Variants in KLHL14 observed in about 807,000 individuals in gnomAD.
The protein encoded by KLHL14 is kelch-like protein 14.
A neutral mutation model predicts 64.3 loss-of-function variants in KLHL14; 22 were observed. That is an observed-to-expected ratio of 0.34 (90% CI 0.24 to 0.49). KLHL14 has a LOEUF of 0.49. Ranked by LOEUF, KLHL14 falls within the 20% of genes least tolerant of loss-of-function variation. The probability of loss-of-function intolerance (pLI) is 0.99; values close to 1 mark genes in which losing one functional copy is unlikely to be tolerated. For missense variants in KLHL14, 661 were observed against 789.0 expected, an observed-to-expected ratio of 0.84 and a Z score of 1.94; for synonymous variants, 322 against 333.4, an observed-to-expected ratio of 0.97 and a Z score of 0.37.
At chr18:32,755,580 T>C (rs1051357457) in intron 2 of KLHL14, among the ~76,000 whole-genome samples, 2 of 152,206 alleles carry the variant, frequency 1.3e-5, no homozygotes, top group Admixed American at 6.5e-5. Context: ...TCACTATCAG[T>C]ATTTTCTCCT....
intron 4 of KLHL14, among the ~76,000 whole-genome samples, chr18:32,694,880 C>G (rs749782765): frequency 6.6e-6 from 1 of 152,052 alleles, no homozygotes; most frequent in Non-Finnish European, 1.5e-5. Context: ...TTGGGACGTG[C>G]GTTAAAATGT....
At chr18:32,759,722 TC>T (rs1162415005) in intron 2 of KLHL14, among the ~76,000 whole-genome samples, 1 of 151,968 alleles carries the variant, frequency 6.6e-6, no homozygotes, top group African/African-American at 2.4e-5. Context: ...TCTCTCTCTC[TC>T]TCGTCATTTT....
At chr18:32,693,403 C>CAGAGAGAG in intron 4 of KLHL14, among the ~76,000 whole-genome samples, 1 of 120,890 alleles carries the variant, frequency 8.3e-6, no homozygotes, top group African/African-American at 3.1e-5. Context: ...CACACACACA[C>CAGAGAGAG]ACACACACAC....
chr18:32,755,397 C>A (rs956339175), intron 2 of KLHL14, among the ~76,000 whole-genome samples: 7 of 152,166 alleles, frequency 4.6e-5, no homozygotes, highest in African/African-American at 7.2e-5. Flanking sequence ...TTGAATTATT[C>A]TCTAGTGCAA....
chr18:32,734,356 A>G (rs963528325), intron 3 of KLHL14: 2 of 659,012 alleles, frequency 3.0e-6, no homozygotes. Flanking sequence ...GAGCCCCCAC[A>G]TGCCTGGATC....
At chr18:32,763,410 A>G (rs2050324682) in intron 2 of KLHL14, among the ~76,000 whole-genome samples, 1 of 152,170 alleles carries the variant, frequency 6.6e-6, no homozygotes, top group East Asian at 1.9e-4. Context: ...GAAGGTGTAG[A>G]TAAGAGTTTG....
chr18:32,688,556 C>T (rs1598549324), intron 4 of KLHL14, among the ~76,000 whole-genome samples: 1 of 152,188 alleles, frequency 6.6e-6, no homozygotes, highest in South Asian at 2.1e-4. Flanking sequence ...TTCTGCAAGC[C>T]ATGCAAATAT....
chr18:32,678,244 C>G (rs185892882), intron 7 of KLHL14, among the ~76,000 whole-genome samples: 2 of 152,074 alleles, frequency 1.3e-5, no homozygotes, highest in Non-Finnish European at 2.9e-5. Flanking sequence ...CAGGTCAAAC[C>G]CTTAATGTTT....
chr18:32,681,624 GA>G (rs1224150118), intron 5 of KLHL14, among the ~76,000 whole-genome samples: 1 of 152,030 alleles, frequency 6.6e-6, no homozygotes, highest in East Asian at 1.9e-4. Flanking sequence ...GTCCAATATT[GA>G]ATAAGTGTAA....
intron 2 of KLHL14, among the ~76,000 whole-genome samples, chr18:32,746,103 C>T (rs1457703276): frequency 6.6e-6 from 1 of 152,202 alleles, no homozygotes; most frequent in African/African-American, 2.4e-5. Context: ...AATATATTCT[C>T]TTCATACCTT....
chr18:32,687,341 AT>A (rs2144475970), intron 4 of KLHL14, 108 bp from the exon 5 acceptor site: 2 of 881,198 alleles, frequency 2.3e-6, no homozygotes, highest in South Asian at 2.7e-5. Flanking sequence ...AAATAGATGA[AT>A]TAAGTAGAGG....
At chr18:32,699,336 G>A (rs116601849) in intron 3 of KLHL14, among the ~76,000 whole-genome samples, 1,850 of 152,082 alleles carry the variant, frequency 0.012, 33 homozygotes, top group African/African-American at 0.041. Context: ...CAACACTTGC[G>A]TTCTTGCTGT....
At chr18:32,705,211 A>G (rs1054286035) in intron 3 of KLHL14, among the ~76,000 whole-genome samples, 3 of 152,272 alleles carry the variant, frequency 2.0e-5, no homozygotes, top group African/African-American at 7.2e-5. Flanking sequence ...ATTGTTCTAT[A>G]TCACTGTAGC....
intron 3 of KLHL14, among the ~76,000 whole-genome samples, chr18:32,731,322 TTTG>T (rs1195444771): frequency 6.6e-6 from 1 of 152,228 alleles, no homozygotes; most frequent in African/African-American, 2.4e-5. Context: ...TTCTATTTGT[TTTG>T]TTGTTGTTGT....
chr18:32,721,267 C>T (rs1277254359), intron 3 of KLHL14, among the ~76,000 whole-genome samples: 1 of 152,168 alleles, frequency 6.6e-6, no homozygotes, highest in East Asian at 1.9e-4. Flanking sequence ...AAAACCCAGG[C>T]TTCTATTTGT....
intron 3 of KLHL14, among the ~76,000 whole-genome samples, chr18:32,713,804 T>C (rs2173180): frequency 0.31 from 47,151 of 152,064 alleles, 7,827 homozygotes; most frequent in African/African-American, 0.42. Context: ...ATTCAATGAT[T>C]TCTAATTGTA....
chr18:32,746,324 C>G (rs565093366), intron 2 of KLHL14, among the ~76,000 whole-genome samples: 4 of 152,330 alleles, frequency 2.6e-5, no homozygotes, highest in African/African-American at 9.6e-5. Flanking sequence ...CTGAAGGTCT[C>G]CTTTGTTCCA....
chr18:32,673,814 T>G lies in KLHL14; in HGVS notation c.*843A>C, dbSNP rs985766342. 2 of 152,224 alleles carry G rather than the reference T, an allele frequency of 1.3e-5. No individual in the cohort carries two copies. Among genetic ancestry groups the G allele is most frequent in the Non-Finnish European group, 2.9e-5 (2 of 68,050 alleles). The allele number at this position is 152,224 out of a possible 1,614,324, so 9.4% of individuals were successfully genotyped here. On this transcript the variant is annotated 3_prime_UTR_variant, in exon 9 of 9. Coordinates refer to ENST00000359358, the MANE Select transcript of KLHL14 (RefSeq NM_020805.3). ...CAGACATATCATCTAACAGAATCTC[T>G]AAAATAGTATTGACTGAATTTGTCA...
At chr18:32,703,225 A>G (rs1174208214) in intron 3 of KLHL14, among the ~76,000 whole-genome samples, 1 of 152,208 alleles carries the variant, frequency 6.6e-6, no homozygotes, top group Non-Finnish European at 1.5e-5. Context: ...TGGCATCCCT[A>G]TAGCATTTAG....
Sources: gnomAD v4.1 joint callset for allele counts (sites outside exome capture counted in the v4.1 genomes callset) on GRCh38, gnomAD v4.1.1 for gene constraint, MANE v1.5 for transcripts, NCBI Gene and HGNC (gene_info 2026-07-23, HGNC 2026-07-21) for gene names.